Variants in TAFA1 observed in about 807,000 individuals in gnomAD.
The protein encoded by TAFA1 is TAFA chemokine like family member 1, also known as chemokine-like protein TAFA-1.
A neutral mutation model predicts 18.5 loss-of-function variants in TAFA1; 4 were observed. The ratio of observed to expected loss-of-function variants is 0.22; its 90% CI spans 0.11 to 0.49. TAFA1 has a LOEUF of 0.49. Ranked by LOEUF, TAFA1 falls within the 20% of genes least tolerant of loss-of-function variation. The pLI, the probability that TAFA1 is intolerant of heterozygous loss-of-function variation, is 0.98. For synonymous variants in TAFA1, 56 were observed against 55.2 expected, an observed-to-expected ratio of 1.01 and a Z score of -0.06; for missense variants, 147 against 169.0, an observed-to-expected ratio of 0.87 and a Z score of 0.72.
upstream of TAFA1, chr3:68,004,220 C>G (rs1436451218): frequency 6.6e-6 from 1 of 152,178 alleles, no homozygotes; most frequent in Non-Finnish European, 1.5e-5. Context: ...ACATGTGATA[C>G]TTTAGAGCGG....
At chr3:68,191,138 T>C (rs2066335035) in intron 2 of TAFA1, among the ~76,000 whole-genome samples, 1 of 151,926 alleles carries the variant, frequency 6.6e-6, no homozygotes, top group South Asian at 2.1e-4. Context: ...GATGAGTCTA[T>C]TGTGTGTCTA....
intron 3 of TAFA1, among the ~76,000 whole-genome samples, chr3:68,480,720 G>A (rs1020104102): frequency 6.6e-6 from 1 of 152,184 alleles, no homozygotes; most frequent in Non-Finnish European, 1.5e-5. Context: ...AATAATGAAA[G>A]CGTAAGTACT....
intron 2 of TAFA1, among the ~76,000 whole-genome samples, chr3:68,367,359 CTT>C (rs1174304201): frequency 1.3e-5 from 2 of 152,182 alleles, no homozygotes; most frequent in African/African-American, 4.8e-5. Context: ...TGAAAGATCT[CTT>C]TAGGCTTTAA....
At chr3:67,992,017 G>C in the TAFA1 span, among the ~76,000 whole-genome samples, 1 of 152,110 alleles carries the variant, frequency 6.6e-6, no homozygotes, top group Admixed American at 6.5e-5. Context: ...CTTTCCACCA[G>C]TACTTTTCAG....
chr3:68,043,835 T>C (rs539920533), intron 2 of TAFA1, among the ~76,000 whole-genome samples: 2 of 152,332 alleles, frequency 1.3e-5, no homozygotes, highest in Admixed American at 6.5e-5. Flanking sequence ...AATTCATTTC[T>C]GTTTTTTTTT....
chr3:68,228,625 AACTAGGTTTATT>A (rs2066832648), intron 2 of TAFA1, among the ~76,000 whole-genome samples: 2 of 152,238 alleles, frequency 1.3e-5, no homozygotes, highest in Non-Finnish European at 2.9e-5. Flanking sequence ...ATGTTTCAAG[AACTAGGTTTATT>A]ACCTGTTGTC....
At chr3:68,139,991 T>C (rs1324969495) in intron 2 of TAFA1, among the ~76,000 whole-genome samples, 5 of 152,134 alleles carry the variant, frequency 3.3e-5, no homozygotes, top group Non-Finnish European at 7.4e-5. Flanking sequence ...AATGAAATAC[T>C]GGAGTGAGAC....
intron 2 of TAFA1, among the ~76,000 whole-genome samples, chr3:68,223,860 CT>C (rs1328804201): frequency 1.3e-4 from 19 of 151,992 alleles, no homozygotes; most frequent in Non-Finnish European, 2.4e-4. Flanking sequence ...AATCACCATG[CT>C]TTATTTTAAT....
At chr3:68,054,753 C>T (rs902686959) in intron 2 of TAFA1, among the ~76,000 whole-genome samples, 1 of 152,208 alleles carries the variant, frequency 6.6e-6, no homozygotes, top group Non-Finnish European at 1.5e-5. Context: ...TTGCCAACCT[C>T]TGAGTTTAAT....
intron 2 of TAFA1, among the ~76,000 whole-genome samples, chr3:68,267,004 A>C (rs946132113): frequency 5.3e-5 from 8 of 152,154 alleles, no homozygotes; most frequent in African/African-American, 1.9e-4. Context: ...TTTGGGTGCC[A>C]ATAAAAACAG....
At chr3:68,112,562 G>A (rs1296376035) in intron 2 of TAFA1, among the ~76,000 whole-genome samples, 1 of 151,952 alleles carries the variant, frequency 6.6e-6, no homozygotes, top group Non-Finnish European at 1.5e-5. Context: ...CATTCCCTTA[G>A]AGTCTGGGAC....
chr3:68,097,322 C>G (rs567577766), intron 2 of TAFA1, among the ~76,000 whole-genome samples: 5 of 152,110 alleles, frequency 3.3e-5, no homozygotes, highest in African/African-American at 1.2e-4. Context: ...TTCAAGGCCA[C>G]AACAATTATG....
intron 2 of TAFA1, among the ~76,000 whole-genome samples, chr3:68,067,959 A>C (rs2106741146): frequency 6.6e-6 from 1 of 152,212 alleles, no homozygotes; most frequent in East Asian, 1.9e-4. Flanking sequence ...AAAAACAAAA[A>C]ACAAAAACAA....
intron 2 of TAFA1, among the ~76,000 whole-genome samples, chr3:68,093,573 A>C (rs557541142): frequency 4.6e-5 from 7 of 151,790 alleles, no homozygotes; most frequent in African/African-American, 1.7e-4. Flanking sequence ...CTCGGGAGGT[A>C]GGTCAGTCTA....
intron 3 of TAFA1, among the ~76,000 whole-genome samples, chr3:68,479,023 G>T (rs2072163851): frequency 6.7e-6 from 1 of 150,374 alleles, no homozygotes; most frequent in Non-Finnish European, 1.5e-5. Context: ...ACGAGGTCAA[G>T]AGATCGAGAC....
chr3:68,233,194 G>A (rs1415694807), intron 2 of TAFA1, among the ~76,000 whole-genome samples: 1 of 151,922 alleles, frequency 6.6e-6, no homozygotes, highest in Non-Finnish European at 1.5e-5. Context: ...ATTTTTTAAT[G>A]AGTTTATTTA....
At chr3:68,203,083 T>C (rs534784291) in intron 2 of TAFA1, among the ~76,000 whole-genome samples, 1 of 151,860 alleles carries the variant, frequency 6.6e-6, no homozygotes, top group East Asian at 2.0e-4. Flanking sequence ...AAATCTACAC[T>C]TCTGTTTTTT....
At chr3:68,263,446 T>TACACACACACACACACACACAC (rs3033685) in intron 2 of TAFA1, among the ~76,000 whole-genome samples, 12 of 137,686 alleles carry the variant, frequency 8.7e-5, no homozygotes, top group Non-Finnish European at 1.1e-4. Context: ...CACACACACA[T>TACACACACACACACACACACAC]ACACACACAC....
intron 3 of TAFA1, among the ~76,000 whole-genome samples, chr3:68,463,381 C>A (rs1002244549): frequency 6.6e-6 from 1 of 152,142 alleles, no homozygotes; most frequent in Non-Finnish European, 1.5e-5. Flanking sequence ...AAACAACTTG[C>A]AACTAAGATG....
Sources: gnomAD v4.1 joint callset for allele counts (sites outside exome capture counted in the v4.1 genomes callset) on GRCh38, gnomAD v4.1.1 for gene constraint, MANE v1.5 for transcripts, NCBI Gene and HGNC (gene_info 2026-07-23, HGNC 2026-07-21) for gene names.